ARHGAP25: variants seen among roughly 807,000 people sequenced by gnomAD.
ARHGAP25 encodes Rho GTPase activating protein 25.
Under a neutral mutation model 71.0 loss-of-function variants are expected in ARHGAP25, and 34 were observed. That is an observed-to-expected ratio of 0.48 (90% confidence interval 0.36 to 0.64). The LOEUF (loss-of-function observed/expected upper bound fraction) is 0.64, where lower values mean the gene tolerates loss of function less well. ARHGAP25 is among the 30% of genes least tolerant of loss of function. The pLI, the probability that ARHGAP25 is intolerant of heterozygous loss-of-function variation, is 0.00. For synonymous variants in ARHGAP25, 282 were observed against 296.5 expected, an observed-to-expected ratio of 0.95 and a Z score of 0.50; for missense variants, 706 against 805.1, an observed-to-expected ratio of 0.88 and a Z score of 1.49.
At chr2:68,738,233 G>T (rs1675318597) in intron 1 of ARHGAP25, among the ~76,000 whole-genome samples, 1 of 150,742 alleles carries the variant, frequency 6.6e-6, no homozygotes, top group Admixed American at 6.6e-5. Flanking sequence ...TAACTGAATT[G>T]TCATCACTGG....
At chr2:68,815,822 C>G (rs1294751090) in intron 6 of ARHGAP25, among the ~76,000 whole-genome samples, 2 of 152,152 alleles carry the variant, frequency 1.3e-5, no homozygotes, top group East Asian at 3.9e-4. Context: ...CGTGGTCTGC[C>G]TGTCTCTGTG....
intron 1 of ARHGAP25, among the ~76,000 whole-genome samples, chr2:68,753,651 G>A (rs1448416762): frequency 3.9e-5 from 6 of 152,204 alleles, no homozygotes; most frequent in Admixed American, 2.0e-4. Context: ...CACTGGGGTA[G>A]ATTTAGCTTG....
At chr2:68,795,771 A>G (rs542019814) in intron 4 of ARHGAP25, among the ~76,000 whole-genome samples, 2 of 152,280 alleles carry the variant, frequency 1.3e-5, no homozygotes, top group South Asian at 4.1e-4. Context: ...GTAAAAGTCT[A>G]TTCATCCCAT....
chr2:68,717,093 C>G (rs1354727674), intron 2 of ARHGAP25, among the ~76,000 whole-genome samples: 1 of 152,112 alleles, frequency 6.6e-6, no homozygotes, highest in Non-Finnish European at 1.5e-5. Flanking sequence ...GTGGTACACA[C>G]CTAGGCCATA....
intron 4 of ARHGAP25, among the ~76,000 whole-genome samples, chr2:68,790,278 C>T (rs1679077694): frequency 6.6e-6 from 1 of 152,228 alleles, no homozygotes; most frequent in South Asian, 2.1e-4. Flanking sequence ...GCATGAGCCA[C>T]CGTGCCCAGC....
chr2:68,806,934 A>C (rs934293808), intron 4 of ARHGAP25, among the ~76,000 whole-genome samples: 1 of 152,250 alleles, frequency 6.6e-6, no homozygotes, highest in African/African-American at 2.4e-5. Flanking sequence ...TGTCTTTAAC[A>C]GTAAGGTGCG....
In ARHGAP25 at chr2:68,807,445, C is replaced by T. The variant is rs139417072; in HGVS notation, c.639C>T (p.Asp213=). Residue 213 remains aspartate (D), a synonymous_variant, in exon 5 of 11, where the codon GAC becomes GAT. Transcript: ENST00000409202. Reference sequence around the variant, plus strand: ...ACAACCTGGTGAAGCAGCTGAGAGACGCTTTTGATGCTGGGGAGCGGCCCT... The same window carrying T: ...ACAACCTGGTGAAGCAGCTGAGAGATGCTTTTGATGCTGGGGAGCGGCCCT... ...GQDNLVKQLR[D]AFDAGERPSF... is the part of the protein sequence containing the mutation. 65 of 1,614,070 alleles carry T rather than the reference C, an allele frequency of 4.0e-5. No individual in the cohort carries two copies. The highest frequency in any genetic ancestry group is 1.8e-4 in the Admixed American group (11 of 60,008).
intron 4 of ARHGAP25, among the ~76,000 whole-genome samples, chr2:68,802,793 A>G (rs1392182782): frequency 6.6e-6 from 1 of 151,994 alleles, no homozygotes; most frequent in East Asian, 1.9e-4. Flanking sequence ...CACTTTTTTT[A>G]TGAGTATAAT....
chr2:68,776,011 G>A (rs770579430), intron 2 of ARHGAP25, among the ~76,000 whole-genome samples: 3 of 152,210 alleles, frequency 2.0e-5, no homozygotes, highest in Non-Finnish European at 4.4e-5. Context: ...ATTTTAAAAA[G>A]GATGGTCAAA....
chr2:68,812,113 G>C lies in ARHGAP25; in HGVS notation c.675-1174G>C, dbSNP rs184366598. 3.3e-5 allele frequency among the ~76,000 whole-genome samples: 5 copies of C among 152,288 alleles called. No homozygotes were observed. In the East Asian group the frequency reaches 9.6e-4, roughly 29 times the overall value. On this transcript the variant is annotated intron_variant, in intron 5 of 10. Coordinates refer to ENST00000409202, the MANE Select transcript of ARHGAP25 (RefSeq NM_001007231.3). ...AATGGGCCACATATTAAATATTTAG[G>C]CTTTGCAGGCCAGATGGTCTTTATT...
chr2:68,733,260 C>T (rs1300402796), upstream of ARHGAP25, among the ~76,000 whole-genome samples: 10 of 152,070 alleles, frequency 6.6e-5, no homozygotes, highest in Non-Finnish European at 1.5e-4. Context: ...CTGATGGGCC[C>T]GTGAGATGAA....
At chr2:68,728,324 T>C (rs747317564) in intron 2 of ARHGAP25, among the ~76,000 whole-genome samples, 8 of 152,110 alleles carry the variant, frequency 5.3e-5, no homozygotes, top group Non-Finnish European at 1.2e-4. Context: ...AAAAAAAGAC[T>C]GATGATAACA....
At chr2:68,730,016 T>C (rs552197181), upstream of ARHGAP25, among the ~76,000 whole-genome samples, 1 of 152,370 alleles carries the variant, frequency 6.6e-6, no homozygotes, top group South Asian at 2.1e-4. Flanking sequence ...TTTGCTCTCA[T>C]CATATAATTA....
chr2:68,822,274 T>C (rs772883758), intron 9 of ARHGAP25, 66 bp from the exon 10 acceptor site: 169 of 1,505,500 alleles, frequency 1.1e-4, no homozygotes, highest in Non-Finnish European at 1.4e-4. Flanking sequence ...CTCTAATCCA[T>C]ACCTTGGGAG....
chr2:68,789,793 C>T (rs1679036386), intron 4 of ARHGAP25, among the ~76,000 whole-genome samples: 1 of 152,052 alleles, frequency 6.6e-6, no homozygotes, highest in Non-Finnish European at 1.5e-5. Flanking sequence ...TGAGCCTTGC[C>T]GTAGTGAACT....
At chr2:68,785,374 G>C (rs1359373206) in intron 3 of ARHGAP25, among the ~76,000 whole-genome samples, 1 of 152,156 alleles carries the variant, frequency 6.6e-6, no homozygotes, top group East Asian at 1.9e-4. Context: ...GTGATGAAGG[G>C]GCTGTGAAGT....
In ARHGAP25 at chr2:68,822,403, A is replaced by G. The variant is rs1558666684; in HGVS notation, c.1264A>G (p.Ser422Gly). ...GCCGAGCGATGCGTTTCCGGAGGAC[A>G]GCAGCAAAGTACCCAGGGAAAAGCC... ...QQPSDAFPED[S>G]SKVPREKPGD... Residue 422 changes from serine to glycine, a missense_variant, in exon 10 of 11, where the codon AGC becomes GGC. Physicochemically the swap from Ser to Gly is moderately conservative, Grantham distance 56. Transcript: ENST00000409202. 2 of 1,614,090 alleles carry G rather than the reference A, an allele frequency of 1.2e-6. No homozygotes were observed. Among genetic ancestry groups the G allele is most frequent in the Non-Finnish European group, 1.7e-6 (2 of 1,180,044 alleles).
intron 2 of ARHGAP25, among the ~76,000 whole-genome samples, chr2:68,720,649 C>A (rs1195788147): frequency 6.6e-6 from 1 of 152,144 alleles, no homozygotes; most frequent in Non-Finnish European, 1.5e-5. Flanking sequence ...AAGGTGATCC[C>A]AGTAGATTCC....
intron 4 of ARHGAP25, among the ~76,000 whole-genome samples, chr2:68,795,197 T>C (rs985317785): frequency 1.3e-5 from 2 of 152,132 alleles, no homozygotes; most frequent in Non-Finnish European, 2.9e-5. Flanking sequence ...AACAATTTTG[T>C]TTATCTTTTT....
Sources: allele counts gnomAD v4.1 joint callset (sites outside exome capture counted in the v4.1 genomes callset), GRCh38; gene constraint gnomAD v4.1.1; transcripts MANE v1.5; gene names NCBI Gene and HGNC (gene_info 2026-07-23, HGNC 2026-07-21).